Variants in GALNT17 observed in about 807,000 individuals in gnomAD.
GALNT17 encodes the protein polypeptide N-acetylgalactosaminyltransferase 17, also known as UDP-GalNAc:polypeptide N-acetylgalactosaminyltransferase-like 3.
Under a neutral mutation model 63.7 loss-of-function variants are expected in GALNT17, and 29 were observed. The ratio of observed to expected loss-of-function variants is 0.46; its 90% CI spans 0.34 to 0.62. The LOEUF is 0.62. Ranked by LOEUF, GALNT17 falls within the 20% of genes least tolerant of loss-of-function variation. The pLI, the probability that GALNT17 is intolerant of heterozygous loss-of-function variation, is 0.01. For missense variants in GALNT17, 603 were observed against 799.6 expected (o/e 0.75, Z 2.97); for synonymous variants, 305 against 318.3 (o/e 0.96, Z 0.45).
chr7:71,568,698 T>A (rs532990535), intron 5 of GALNT17, among the ~76,000 whole-genome samples: 22 of 152,272 alleles, frequency 1.4e-4, no homozygotes, highest in African/African-American at 5.3e-4. Flanking sequence ...GAGCAAATAT[T>A]TACTCAATGA....
chr7:71,441,412 G>A (rs564781710), intron 5 of GALNT17, among the ~76,000 whole-genome samples: 2 of 151,878 alleles, frequency 1.3e-5, no homozygotes, highest in East Asian at 3.9e-4. Flanking sequence ...TTAACCACCC[G>A]GACACCATTT....
At chr7:71,161,820 A>G (rs79661256) in intron 1 of GALNT17, among the ~76,000 whole-genome samples, 5,370 of 152,220 alleles carry the variant, frequency 0.035, 126 homozygotes, top group Non-Finnish European at 0.052. Context: ...ATGCACAAAG[A>G]AGGATAATTC....
At chr7:71,487,735 C>G (rs1177848965) in intron 5 of GALNT17, among the ~76,000 whole-genome samples, 1 of 152,020 alleles carries the variant, frequency 6.6e-6, no homozygotes, top group Non-Finnish European at 1.5e-5. Context: ...ATGGCAAAAC[C>G]CACAGTTACT....
chr7:71,670,899 T>TGTGTGCGC (rs1562729872), intron 8 of GALNT17, among the ~76,000 whole-genome samples: 1 of 103,124 alleles, frequency 9.7e-6, no homozygotes, highest in Admixed American at 1.2e-4. Flanking sequence ...TGTGTGTGTG[T>TGTGTGCGC]GTGCGTGTGT....
At chr7:71,691,317 C>G (rs1671818041) in intron 9 of GALNT17, among the ~76,000 whole-genome samples, 1 of 152,132 alleles carries the variant, frequency 6.6e-6, no homozygotes, top group Non-Finnish European at 1.5e-5. Context: ...TTAAATTAAG[C>G]TATGCACATT....
rs569163160 is a variant in GALNT17 at position 71,630,174 on chromosome 7, C to T, written c.1081-35237C>T. Among the ~76,000 whole-genome samples the T allele has an allele frequency of 5.3e-5, 8 of 152,188 alleles. No homozygotes were observed. In the South Asian group the frequency reaches 6.2e-4, roughly 12 times the overall value. ...CCTCCCACCTTGGCCTCCCAAAGGG[C>T]TGGGATTATAGGTGTGAGCCACTAC... On this transcript the variant is annotated intron_variant, in intron 6 of 10. Coordinates refer to ENST00000333538, the MANE Select transcript of GALNT17 (RefSeq NM_022479.3).
chr7:71,594,714 C>T (rs1789861271), intron 6 of GALNT17, among the ~76,000 whole-genome samples: 1 of 152,126 alleles, frequency 6.6e-6, no homozygotes, highest in Non-Finnish European at 1.5e-5. Context: ...ATGAGATGAG[C>T]TTGAGGAGGT....
At chr7:71,404,861 G>C (rs1351815021) in intron 3 of GALNT17, among the ~76,000 whole-genome samples, 3 of 152,236 alleles carry the variant, frequency 2.0e-5, no homozygotes, top group Non-Finnish European at 4.4e-5. Context: ...GCAGAAGGCA[G>C]CCTAGAAAAA....
intron 8 of GALNT17, 24 bp from the exon 9 acceptor site, chr7:71,677,187 G>A (rs1285746230): frequency 6.2e-7 from 1 of 1,612,742 alleles, no homozygotes; most frequent in East Asian, 2.2e-5. Context: ...GCTCTCATGG[G>A]TCGTGTTTTG....
chr7:71,181,226 G>A (rs903103100), intron 1 of GALNT17, among the ~76,000 whole-genome samples: 1 of 150,290 alleles, frequency 6.7e-6, no homozygotes, highest in Admixed American at 6.6e-5. Flanking sequence ...CTACACTCCA[G>A]CCTGGGCGAC....
At chr7:71,398,764 G>A (rs1012355276) in intron 3 of GALNT17, among the ~76,000 whole-genome samples, 12 of 152,188 alleles carry the variant, frequency 7.9e-5, no homozygotes, top group East Asian at 3.8e-4. Flanking sequence ...GATGATGATC[G>A]CACAATAATA....
At chr7:71,226,432 A>G (rs1789680656) in intron 1 of GALNT17, among the ~76,000 whole-genome samples, 2 of 152,060 alleles carry the variant, frequency 1.3e-5, no homozygotes, top group South Asian at 2.1e-4. Context: ...TCCTTTTTCT[A>G]TCTTCGTGGT....
intron 5 of GALNT17, among the ~76,000 whole-genome samples, chr7:71,538,061 T>C (rs1192273874): frequency 6.6e-6 from 1 of 152,146 alleles, no homozygotes; most frequent in Non-Finnish European, 1.5e-5. Flanking sequence ...ATTTCAGATA[T>C]AAGCCATCCA....
chr7:71,346,246 A>G (rs1792094163), intron 2 of GALNT17, among the ~76,000 whole-genome samples: 1 of 151,506 alleles, frequency 6.6e-6, no homozygotes, highest in Non-Finnish European at 1.5e-5. Context: ...CATATTATAT[A>G]TATTTTAAAA....
At chr7:71,547,274 C>G (rs563357846) in intron 5 of GALNT17, among the ~76,000 whole-genome samples, 1 of 152,076 alleles carries the variant, frequency 6.6e-6, no homozygotes, top group African/African-American at 2.4e-5. Context: ...AAGCAGTTCT[C>G]CTGCCTCAGC....
At chr7:71,270,796 T>G (rs2115694157) in intron 1 of GALNT17, among the ~76,000 whole-genome samples, 1 of 152,056 alleles carries the variant, frequency 6.6e-6, no homozygotes, top group Middle Eastern at 3.4e-3. Flanking sequence ...TTAGCTTTGG[T>G]TTAAGCTGTT....
intron 5 of GALNT17, among the ~76,000 whole-genome samples, chr7:71,536,575 C>T (rs1200030082): frequency 6.6e-6 from 1 of 152,102 alleles, no homozygotes; most frequent in Non-Finnish European, 1.5e-5. Context: ...AAGCAGAAAG[C>T]CCTGATAAAA....
rs142466726 is a variant in GALNT17, at chr7:71,669,977, G to A, written c.1272G>A (p.Pro424=). ...TGGCTTCTCTCTCCTTTCAGAATCC[G>A]GGAATTGACATCGGTGATGTCTCCG... ...YIAWNLPLEN[P]GIDIGDVSER... is the part of the protein sequence containing the mutation. Residue 424 remains proline, a synonymous_variant, in exon 8 of 11, where the codon CCG becomes CCA. Coordinates refer to ENST00000333538, the MANE Select transcript of GALNT17 (RefSeq NM_022479.3). The A allele has an allele frequency of 1.4e-4, 230 of 1,613,992 alleles. No homozygotes were observed. Among genetic ancestry groups the A allele is most frequent in the Admixed American group, 5.0e-4 (30 of 60,008 alleles).
intron 6 of GALNT17, among the ~76,000 whole-genome samples, chr7:71,590,068 A>G (rs1171369439): frequency 5.3e-5 from 8 of 152,212 alleles, no homozygotes; most frequent in Admixed American, 5.2e-4. Context: ...ACTATCTCAT[A>G]TATAGAGAAC....
Sources: gnomAD v4.1 joint callset for allele counts (sites outside exome capture counted in the v4.1 genomes callset) on GRCh38, gnomAD v4.1.1 for gene constraint, MANE v1.5 for transcripts, NCBI Gene and HGNC (gene_info 2026-07-23, HGNC 2026-07-21) for gene names.